DHRSX: variants seen among roughly 807,000 people sequenced by gnomAD.
DHRSX encodes polyprenol dehydrogenase.
Under a neutral mutation model 34.0 loss-of-function variants are expected in DHRSX, and 31 were observed. The observed-to-expected ratio is 0.91, with a 90% confidence interval of 0.69 to 1.23. The LOEUF (loss-of-function observed/expected upper bound fraction) is 1.23, where lower values mean the gene tolerates loss of function less well. DHRSX is among the 50% of genes most tolerant of loss of function. The probability of loss-of-function intolerance (pLI) is 0.00; values close to 1 mark genes in which losing one functional copy is unlikely to be tolerated. For missense variants in DHRSX, 414 were observed against 428.1 expected (o/e 0.97, Z 0.29); for synonymous variants, 201 against 183.8 (o/e 1.09, Z -0.76).
intron 3 of DHRSX, among the ~76,000 whole-genome samples, chrX:2,349,452 CG>C (rs2042759734): frequency 2.0e-5 from 3 of 152,070 alleles, no homozygotes; most frequent in Admixed American, 2.0e-4. Context: ...GAGACTGAGG[CG>C]GGTGGATCAC....
At chrX:2,470,668 C>T (rs189439376) in intron 1 of DHRSX, among the ~76,000 whole-genome samples, 8 of 152,254 alleles carry the variant, frequency 5.3e-5, no homozygotes, top group African/African-American at 1.9e-4. Flanking sequence ...GAACATGATG[C>T]TGTACTCCAG....
At chrX:2,491,231 G>A (rs1375856142) in intron 1 of DHRSX, among the ~76,000 whole-genome samples, 1 of 152,048 alleles carries the variant, frequency 6.6e-6, no homozygotes, top group Non-Finnish European at 1.5e-5. Flanking sequence ...CATCACGCCT[G>A]GCTAATTTTT....
intron 1 of DHRSX, among the ~76,000 whole-genome samples, chrX:2,484,070 G>A: frequency 6.6e-6 from 1 of 152,310 alleles, no homozygotes. Flanking sequence ...CCGCCTCCCT[G>A]GTTCACGCGA....
At chrX:2,291,766 T>A (rs2041868643) in intron 3 of DHRSX, among the ~76,000 whole-genome samples, 163 bp from the exon 4 acceptor site, 1 of 151,942 alleles carries the variant, frequency 6.6e-6, no homozygotes, top group African/African-American at 2.4e-5. Context: ...CGGGCTGGAG[T>A]GCTGTGGCAG....
At position 2,454,395 on chromosome X, in the gene DHRSX, C is replaced by T. The variant is rs1304193731; in HGVS notation, c.110-29091G>A. On this transcript the variant is annotated intron_variant, in intron 1 of 6. Transcript: ENST00000334651. ...TACAAAAATTAGCCAGGTGTGGTGG[C>T]AGGCACCTGTAATCCCAGCTACTCA... 4.6e-5 allele frequency among the ~76,000 whole-genome samples: 7 copies of T among 151,890 alleles called. 1 individual carries two copies. The highest frequency in any genetic ancestry group is 1.7e-4 in the African/African-American group (7 of 41,348).
chrX:2,310,636 A>G (rs902908176), intron 3 of DHRSX, among the ~76,000 whole-genome samples: 1 of 151,936 alleles, frequency 6.6e-6, no homozygotes, highest in Non-Finnish European at 1.5e-5. Context: ...ACACAGAGAA[A>G]GTTATGGAGA....
chrX:2,489,883 G>A, intron 1 of DHRSX: 9 of 1,613,876 alleles, frequency 5.6e-6, no homozygotes, highest in Non-Finnish European at 7.6e-6. Context: ...CCAGCAGGGA[G>A]CACGCCTTCA....
intron 2 of DHRSX, 52 bp downstream of exon 2, chrX:2,425,145 A>AG (rs1174337183): frequency 6.8e-7 from 1 of 1,467,244 alleles, no homozygotes. Context: ...TGTCTCAGAA[A>AG]AAAAAAAAAA....
chrX:2,472,748 G>A (rs183473160), intron 1 of DHRSX, among the ~76,000 whole-genome samples: 2 of 152,244 alleles, frequency 1.3e-5, no homozygotes, highest in African/African-American at 2.4e-5. Context: ...CAGCCTGGGC[G>A]ACAAGAGTGC....
chrX:2,257,149 T>C (rs1191498239), intron 5 of DHRSX, among the ~76,000 whole-genome samples: 1 of 152,142 alleles, frequency 6.6e-6, no homozygotes, highest in Non-Finnish European at 1.5e-5. Flanking sequence ...AGAGATGGGG[T>C]TTCTCCATGT....
At chrX:2,419,019 A>G (rs188020900) in intron 2 of DHRSX, among the ~76,000 whole-genome samples, 112 of 152,206 alleles carry the variant, frequency 7.4e-4, no homozygotes, top group African/African-American at 2.5e-3. Context: ...TTCTAGAAAT[A>G]CACTCTCAGA....
At chrX:2,383,317 C>T (rs887566930) in intron 3 of DHRSX, among the ~76,000 whole-genome samples, 1 of 151,890 alleles carries the variant, frequency 6.6e-6, no homozygotes, top group African/African-American at 2.4e-5. Flanking sequence ...TAAACACCAT[C>T]ATCACCATCA....
chrX:2,330,534 A>T (rs1348349984), intron 3 of DHRSX, among the ~76,000 whole-genome samples: 1 of 140,176 alleles, frequency 7.1e-6, no homozygotes, highest in South Asian at 2.3e-4. Flanking sequence ...AAAAAAAAAG[A>T]AAAGAAAAGG....
At chrX:2,427,202 A>C (rs1346877317) in intron 1 of DHRSX, among the ~76,000 whole-genome samples, 1 of 152,188 alleles carries the variant, frequency 6.6e-6, no homozygotes, top group African/African-American at 2.4e-5. Context: ...GGTGAGAGCA[A>C]AAGTCTAGCA....
At chrX:2,273,179 C>G (rs1342772656) in intron 4 of DHRSX, among the ~76,000 whole-genome samples, 1 of 152,038 alleles carries the variant, frequency 6.6e-6, no homozygotes, top group South Asian at 2.1e-4. Flanking sequence ...GGTGACAGAG[C>G]AAGACTCCAT....
intron 3 of DHRSX, among the ~76,000 whole-genome samples, chrX:2,309,323 G>T (rs2042136888): frequency 6.6e-6 from 1 of 152,054 alleles, no homozygotes; most frequent in South Asian, 2.1e-4. Flanking sequence ...ATGCTGTTCT[G>T]ATAGAAATTC....
chrX:2,325,438 A>G (rs1026799076), intron 3 of DHRSX, among the ~76,000 whole-genome samples: 2 of 152,144 alleles, frequency 1.3e-5, no homozygotes, highest in Admixed American at 6.5e-5. Context: ...CCCAGCAGGA[A>G]CTAGAGACTA....
At chrX:2,408,000 G>A (rs1229460063) in intron 3 of DHRSX, among the ~76,000 whole-genome samples, 1 of 152,194 alleles carries the variant, frequency 6.6e-6, no homozygotes, top group Non-Finnish European at 1.5e-5. Flanking sequence ...TTAGAAAGTT[G>A]TGTGCACACC....
At chrX:2,302,017 C>T (rs1298298987) in intron 3 of DHRSX, among the ~76,000 whole-genome samples, 2 of 152,116 alleles carry the variant, frequency 1.3e-5, no homozygotes, top group African/African-American at 4.8e-5. Flanking sequence ...GCTCCGATAT[C>T]ACAAGAACTG....
Sources: gnomAD v4.1 joint callset for allele counts (sites outside exome capture counted in the v4.1 genomes callset) on GRCh38, gnomAD v4.1.1 for gene constraint, MANE v1.5 for transcripts, NCBI Gene and HGNC (gene_info 2026-07-23, HGNC 2026-07-21) for gene names.